Variants in TTF2 observed in about 807,000 individuals in gnomAD.
The protein encoded by TTF2 is transcription termination factor 2, also known as RNA polymerase II termination factor.
In TTF2, 108 loss-of-function variants were observed where a neutral mutation model predicts 142.4. The ratio of observed to expected loss-of-function variants is 0.76; its 90% CI spans 0.65 to 0.89. The LOEUF (loss-of-function observed/expected upper bound fraction) is 0.89, where lower values mean the gene tolerates loss of function less well. Among genes scored for constraint, TTF2 ranks in the 40% least tolerant of loss-of-function variants. TTF2 has a pLI of 0.00. For missense variants in TTF2, 1,327 were observed against 1,379.8 expected, an observed-to-expected ratio of 0.96 and a Z score of 0.61; for synonymous variants, 483 against 506.2, an observed-to-expected ratio of 0.95 and a Z score of 0.61.
rs1649481766 is a variant in TTF2 at position 117,100,277 on chromosome 1, C to T, written c.3345-1103C>T. The stretch of plus-strand genomic sequence containing the variant: ...TTATCTAGCCAGAACTAGACTCCTA[C>T]CTTTCTCGCTTTTCCACTTACCAAG... On this transcript the variant is annotated intron_variant, in intron 22 of 22. Transcript: ENST00000369466. The surrounding 1 kb of genome is among the most constrained non-coding windows in gnomAD (Gnocchi z 4.6). 6.6e-6 allele frequency among the ~76,000 whole-genome samples: 1 copy of T among 152,214 alleles called. No individual in the cohort carries two copies. Among genetic ancestry groups the T allele is most frequent in the Non-Finnish European group, 1.5e-5 (1 of 68,052 alleles).
Position 117,079,328 on chromosome 1 carries a change from G to A in TTF2, c.1702-240G>A, listed in dbSNP as rs1029420477. ...AGGACTCTCACTTGGGGTGTAGGGGGGACTCTTAATAGAAATGCTGAACAT... is the reference window on the plus strand; with the variant it reads ...AGGACTCTCACTTGGGGTGTAGGGGAGACTCTTAATAGAAATGCTGAACAT... On this transcript the variant is annotated intron_variant, in intron 8 of 22. Transcript: ENST00000369466. The surrounding 1 kb of genome is among the most constrained non-coding windows in gnomAD (Gnocchi z 4.2). Among the ~76,000 whole-genome samples the A allele has an allele frequency of 3.3e-5, 5 of 152,132 alleles. No homozygotes were observed. Among genetic ancestry groups the A allele is most frequent in the African/African-American group, 1.2e-4 (5 of 41,438 alleles).
chr1:117,080,779 G>A lies in TTF2; in HGVS notation c.1784-1049G>A, dbSNP rs922643025. Reference sequence around the variant, plus strand: ...AAAATCAACAAAAGGAAAAGTCACAGGGGCAGAATCCAGGGGAAACCAGGT... The same window carrying A: ...AAAATCAACAAAAGGAAAAGTCACAAGGGCAGAATCCAGGGGAAACCAGGT... On this transcript the variant is annotated intron_variant, in intron 9 of 22. Coordinates refer to ENST00000369466, the MANE Select transcript of TTF2 (RefSeq NM_003594.4). The surrounding 1 kb of genome is among the most constrained non-coding windows in gnomAD (Gnocchi z 4.3). 2.0e-5 allele frequency among the ~76,000 whole-genome samples: 3 copies of A among 152,198 alleles called. No individual in the cohort carries two copies. The highest frequency in any genetic ancestry group is 6.5e-5 in the Admixed American group (1 of 15,274).
In TTF2 at chr1:117,075,778, C is replaced by T. The variant is rs370517777; in HGVS notation, c.1194C>T (p.Ala398=). ...GTGTGCAAAGAAAGGTGTCTCCTGC[C>T]TCAGGTGTTTCCAAGAAGGTAGAAC... ...DRSVQRKVSP[A]SGVSKKVEPS... is the part of the protein sequence containing the mutation. The change falls in exon 5 of 23, where the codon GCC becomes GCT. Residue 398 remains alanine (A), a synonymous_variant. Transcript: ENST00000369466. This position sits in a 1 kb window ranked among gnomAD's most constrained non-coding sequence, Gnocchi z 4.5. 2.0e-5 allele frequency: 32 copies of T among 1,614,100 alleles called. No individual in the cohort carries two copies. In the African/African-American group the frequency reaches 3.7e-4, roughly 19 times the overall value.
Position 117,072,707 on chromosome 1 carries a change from G to A in TTF2, c.219-954G>A, listed in dbSNP as rs111877048. Among the ~76,000 whole-genome samples, 827 of 152,254 alleles carry A rather than the reference G, an allele frequency of 5.4e-3. 11 individuals are homozygous for A. The highest frequency in any genetic ancestry group is 0.019 in the African/African-American group (789 of 41,544). On this transcript the variant is annotated intron_variant, in intron 3 of 22. Coordinates refer to ENST00000369466, the MANE Select transcript of TTF2 (RefSeq NM_003594.4). ...CGAAGTGCTGGGATTACAGGTGTGA[G>A]CCACCGCACCCGGCCAAGATATGAA...
In TTF2 at chr1:117,086,292, A is replaced by T. The variant is rs1648004559; in HGVS notation, c.2055-125A>T. Reference sequence around the variant, plus strand: ...GTGTGCGTGTGTGTGTTAAGGACACAAGTTAATGAGTTCTGCTGTTTGTCC... The same window carrying T: ...GTGTGCGTGTGTGTGTTAAGGACACTAGTTAATGAGTTCTGCTGTTTGTCC... On this transcript the variant is annotated intron_variant, in intron 11 of 22. Coordinates refer to ENST00000369466, the MANE Select transcript of TTF2 (RefSeq NM_003594.4). The surrounding 1 kb of genome is among the most constrained non-coding windows in gnomAD (Gnocchi z 4.2). The T allele has an allele frequency of 1.5e-6, 1 of 650,448 alleles. No homozygotes were observed. 40.3% of individuals were successfully genotyped at this position (650,448 alleles called of 1,614,324 possible).
In TTF2 at chr1:117,092,850, C is replaced by G; in HGVS notation, c.2925C>G (p.Asn975Lys). Residue 975 changes from asparagine (N) to lysine (K), a missense_variant, in exon 18 of 23, where the codon AAC (asparagine) becomes AAG (lysine). Transcript: ENST00000369466. This position sits in a 1 kb window ranked among gnomAD's most constrained non-coding sequence, Gnocchi z 4.4. ...DSEPSSTVSLNGTFFKMELFE... is the reference protein window; with the variant it reads ...DSEPSSTVSLKGTFFKMELFE... Reference sequence around the variant, plus strand: ...AGCCATCTTCCACTGTTTCCCTTAACGGCACCTTCTTCAAGATGGAGCTTT... The same window carrying G: ...AGCCATCTTCCACTGTTTCCCTTAAGGGCACCTTCTTCAAGATGGAGCTTT... 6.2e-7 allele frequency: 1 copy of G among 1,614,148 alleles called. No individual in the cohort carries two copies. Among genetic ancestry groups the G allele is most frequent in the Non-Finnish European group, 8.5e-7 (1 of 1,180,028 alleles).
chr1:117,073,672 G>A lies in TTF2; in HGVS notation c.230G>A (p.Arg77Gln), dbSNP rs765616419. The A allele has an allele frequency of 1.6e-5, 26 of 1,609,058 alleles. No individual in the cohort carries two copies. The highest frequency in any genetic ancestry group is 1.3e-4 in the Admixed American group (8 of 59,894). The change falls in exon 4 of 23, where the codon CGA becomes CAA. Residue 77 changes from arginine (R) to glutamine (Q), a missense_variant. Arg to Gln is a conservative substitution (Grantham distance 43, BLOSUM62 1). Transcript: ENST00000369466. The surrounding 1 kb of genome is among the most constrained non-coding windows in gnomAD (Gnocchi z 4.4). ...QDKKEYRLFF[R>Q]CIRSKAEGKR... is the part of the protein sequence containing the mutation. ...TTATACTTCATTAGATTGTTCTTCC[G>A]ATGCATTAGAAGTAAGGCAGAGGGG...
At chr1:117,078,462 G>C (rs1647203496) in intron 8 of TTF2, among the ~76,000 whole-genome samples, 1 of 152,248 alleles carries the variant, frequency 6.6e-6, no homozygotes, top group Admixed American at 6.5e-5. Context: ...CTCTAGGTCA[G>C]TGATTATTTG....
rs1331910669 is a variant in TTF2, at chr1:117,099,610, A to G, written c.3344+703A>G. Among the ~76,000 whole-genome samples the G allele has an allele frequency of 6.6e-6, 1 of 152,176 alleles. No homozygotes were observed. Among genetic ancestry groups the G allele is most frequent in the Non-Finnish European group, 1.5e-5 (1 of 68,026 alleles). On this transcript the variant is annotated intron_variant, in intron 22 of 22. Transcript: ENST00000369466. The surrounding 1 kb of genome is among the most constrained non-coding windows in gnomAD (Gnocchi z 4.3). Reference sequence around the variant, plus strand: ...GAGCATGAGCCAGTTATTTTGCAAAATGTCCTCTGTTTTGGACCCCCTTGT... The same window carrying G: ...GAGCATGAGCCAGTTATTTTGCAAAGTGTCCTCTGTTTTGGACCCCCTTGT...
At chr1:117,091,444 TG>T in intron 16 of TTF2, 34 bp downstream of exon 16, 1 of 1,564,412 alleles carries the variant, frequency 6.4e-7, no homozygotes, top group Non-Finnish European at 8.7e-7. Flanking sequence ...TACATATGAC[TG>T]GTGAAAATGG....
At position 117,104,944 on chromosome 1, in the gene TTF2, A is replaced by G. The variant is rs1475415765; in HGVS notation, c.*3420A>G. On this transcript the variant is annotated 3_prime_UTR_variant, in exon 23 of 23. Coordinates refer to ENST00000369466, the MANE Select transcript of TTF2 (RefSeq NM_003594.4). ...CAGTTTCGTCAAGTCTAGGTATGAC[A>G]AGGTGGGTCTTTGCACCTTCTAGCG... 1 of 152,240 alleles carries G rather than the reference A, an allele frequency of 6.6e-6. No homozygotes were observed. The highest frequency in any genetic ancestry group is 2.4e-5 in the African/African-American group (1 of 41,464). The allele number at this position is 152,240 out of a possible 1,614,324, so 9.4% of individuals were successfully genotyped here. A position where few individuals can be genotyped will look rare whatever the true frequency, so the allele number is the denominator to read the frequency against.
At chr1:117,083,722 T>C (rs920167349) in intron 10 of TTF2, among the ~76,000 whole-genome samples, 2 of 152,222 alleles carry the variant, frequency 1.3e-5, no homozygotes, top group Non-Finnish European at 2.9e-5. Flanking sequence ...ATTTCTTCCA[T>C]TTCCTACTTC....
Position 117,106,473 on chromosome 1 carries a change from A to G in TTF2, c.*4949A>G, listed in dbSNP as rs1649951983. The G allele has an allele frequency of 6.6e-6, 1 of 152,238 alleles. No individual in the cohort carries two copies. Among genetic ancestry groups the G allele is most frequent in the African/African-American group, 2.4e-5 (1 of 41,470 alleles). 9.4% of individuals were successfully genotyped at this position (152,238 alleles called of 1,614,324 possible). ...TAATTATCCACACAGTAATTCAGAA[A>G]TGTATATTGAACACTTTTTATATGC... On this transcript the variant is annotated 3_prime_UTR_variant, in exon 23 of 23. Coordinates refer to ENST00000369466, the MANE Select transcript of TTF2 (RefSeq NM_003594.4).
chr1:117,092,842 T>G lies in TTF2; in HGVS notation c.2917T>G (p.Ser973Ala), dbSNP rs762439108. The G allele has an allele frequency of 1.2e-6, 2 of 1,614,044 alleles. No individual in the cohort carries two copies. The highest frequency in any genetic ancestry group is 1.3e-5 in the African/African-American group (1 of 74,926). The change falls in exon 18 of 23, where the codon TCC becomes GCC. Residue 973 changes from serine (S) to alanine (A), a missense_variant. Physicochemically the swap from Ser to Ala is moderately conservative, Grantham distance 99. Transcript: ENST00000369466. The surrounding 1 kb of genome is among the most constrained non-coding windows in gnomAD (Gnocchi z 4.4). ...LRDSEPSSTV[S>A]LNGTFFKMEL... ...TGACTCAGAGCCATCTTCCACTGTTTCCCTTAACGGCACCTTCTTCAAGAT... is the reference window on the plus strand; with the variant it reads ...TGACTCAGAGCCATCTTCCACTGTTGCCCTTAACGGCACCTTCTTCAAGAT...
rs1445629781 is a variant in TTF2 at position 117,102,623 on chromosome 1, T to C, written c.*1099T>C. On this transcript the variant is annotated 3_prime_UTR_variant, in exon 23 of 23. Coordinates refer to ENST00000369466, the MANE Select transcript of TTF2 (RefSeq NM_003594.4). ...TTGTAGTATTTGTATAATATTTGTG[T>C]CATTTTTAATAGTATTTGTATTTTT... The C allele has an allele frequency of 1.3e-5, 2 of 152,260 alleles. No individual in the cohort carries two copies. Among genetic ancestry groups the C allele is most frequent in the Non-Finnish European group, 2.9e-5 (2 of 68,048 alleles). 9.4% of individuals were successfully genotyped at this position (152,260 alleles called of 1,614,324 possible).
At chr1:117,077,249 A>G (rs965946416) in intron 7 of TTF2, among the ~76,000 whole-genome samples, 29 of 152,272 alleles carry the variant, frequency 1.9e-4, no homozygotes, top group African/African-American at 7.0e-4. Context: ...TGAGGGGAGA[A>G]GCCATTCTTA....
Position 117,104,301 on chromosome 1 carries a change from A to C in TTF2, c.*2777A>C, listed in dbSNP as rs1162026571. ...AGCATGTATCTCATGCTCCACTGGG[A>C]ATTTCATAGCAAATATATATACTAC... On this transcript the variant is annotated 3_prime_UTR_variant, in exon 23 of 23. Coordinates refer to ENST00000369466, the MANE Select transcript of TTF2 (RefSeq NM_003594.4). 1.3e-5 allele frequency: 2 copies of C among 152,208 alleles called. No individual in the cohort carries two copies. The highest frequency in any genetic ancestry group is 1.5e-5 in the Non-Finnish European group (1 of 68,050). The allele number at this position is 152,208 out of a possible 1,614,324, so 9.4% of individuals were successfully genotyped here.
In TTF2 at chr1:117,106,628, T is replaced by A. The variant is rs779219724; in HGVS notation, c.*5104T>A. ...TGTGGCTGTGAATCAGCCATGATGCTGAGTGCTACAAGAGAGGACTGTGCG... is the reference window on the plus strand; with the variant it reads ...TGTGGCTGTGAATCAGCCATGATGCAGAGTGCTACAAGAGAGGACTGTGCG... On this transcript the variant is annotated 3_prime_UTR_variant, in exon 23 of 23. Coordinates refer to ENST00000369466, the MANE Select transcript of TTF2 (RefSeq NM_003594.4). The A allele has an allele frequency of 3.3e-5, 5 of 152,230 alleles. No homozygotes were observed. Among genetic ancestry groups the A allele is most frequent in the Non-Finnish European group, 7.3e-5 (5 of 68,062 alleles). 9.4% of individuals were successfully genotyped at this position (152,230 alleles called of 1,614,324 possible). A position where few individuals can be genotyped will look rare whatever the true frequency, so the allele number is the denominator to read the frequency against.
rs1271931144 is a variant in TTF2 at position 117,090,754 on chromosome 1, T to TC, written c.2588+131_2588+132insC. ...TTAGTTGGATGTCTGTATTCCCTTT[T>TC]TTTTTTTACCCCATTTTTCTCCTTC... On this transcript the variant is annotated intron_variant, in intron 15 of 22. Transcript: ENST00000369466. The surrounding 1 kb of genome is among the most constrained non-coding windows in gnomAD (Gnocchi z 4.8). 11 of 771,768 alleles carry TC rather than the reference T, an allele frequency of 1.4e-5. No individual in the cohort carries two copies. The Admixed American group carries it at 1.8e-4, about 12-fold the overall frequency. The allele number at this position is 771,768 out of a possible 1,614,324, so 47.8% of individuals were successfully genotyped here.
Sources: gnomAD v4.1 joint callset for allele counts (sites outside exome capture counted in the v4.1 genomes callset) on GRCh38, gnomAD v4.1.1 for gene constraint, Gnocchi (gnomAD v3.1) non-coding constraint, MANE v1.5 for transcripts, NCBI Gene and HGNC (gene_info 2026-07-23, HGNC 2026-07-21) for gene names.